The following ASRGL1 variants were observed in gnomAD, a reference collection of about 807,000 sequenced individuals.
The protein encoded by ASRGL1 is asparaginase and isoaspartyl peptidase 1.
In ASRGL1, 16 loss-of-function variants were observed where a neutral mutation model predicts 22.4. That is an observed-to-expected ratio of 0.71 (90% CI 0.48 to 1.08). The LOEUF is 1.08. Ranked by LOEUF, ASRGL1 falls within the 50% of genes least tolerant of loss-of-function variation. The pLI, the probability that ASRGL1 is intolerant of heterozygous loss-of-function variation, is 0.00. For missense variants in ASRGL1, 412 were observed against 410.1 expected (o/e 1.00, Z -0.04); for synonymous variants, 165 against 159.3 (o/e 1.04, Z -0.27).
intron 4 of ASRGL1, among the ~76,000 whole-genome samples, chr11:62,384,876 C>T (rs552721591): frequency 1.2e-3 from 161 of 135,942 alleles, no homozygotes; most frequent in Non-Finnish European, 1.8e-3. Flanking sequence ...CGAGATCACA[C>T]GACTGCACTC....
intron 5 of ASRGL1, chr11:62,389,544 G>A (rs920310386): frequency 8.6e-5 from 37 of 431,638 alleles, no homozygotes; most frequent in South Asian, 4.7e-4. Context: ...CTACCCTGTC[G>A]TGATTCTGTC....
At chr11:62,365,396 A>G (rs1946585918) in intron 4 of ASRGL1, among the ~76,000 whole-genome samples, 1 of 151,560 alleles carries the variant, frequency 6.6e-6, no homozygotes, top group East Asian at 1.9e-4. Flanking sequence ...TCTACTAAAT[A>G]TACAAAAATT....
At chr11:62,361,194 G>A (rs1946423640) in intron 4 of ASRGL1, among the ~76,000 whole-genome samples, 1 of 139,184 alleles carries the variant, frequency 7.2e-6, no homozygotes, top group Non-Finnish European at 1.5e-5. Flanking sequence ...GTGGGGTTTT[G>A]TTTTTTTGTT....
chr11:62,395,834 C>A, downstream of ASRGL1, among the ~76,000 whole-genome samples: 1 of 136,296 alleles, frequency 7.3e-6, no homozygotes, highest in South Asian at 2.4e-4. Flanking sequence ...TGCAGTGGCA[C>A]GATCTCAGCT....
At chr11:62,345,863 ATGC>A (rs1386704839) in intron 2 of ASRGL1, among the ~76,000 whole-genome samples, 1 of 152,228 alleles carries the variant, frequency 6.6e-6, no homozygotes, top group East Asian at 1.9e-4. Flanking sequence ...TGAGAATCTA[ATGC>A]TGCTGCTGAT....
Position 62,362,813 on chromosome 11 carries a change from T to TACACACACACACACACACACAC in ASRGL1, c.491+5679_491+5700dup, listed in dbSNP as rs57501048. Among the ~76,000 whole-genome samples, 159 of 83,850 alleles carry TACACACACACACACACACACAC rather than the reference T, an allele frequency of 1.9e-3. 3 individuals carry two copies. The highest frequency in any genetic ancestry group is 2.9e-3 in the Non-Finnish European group (133 of 45,612). 55.0% of individuals were successfully genotyped at this position (83,850 alleles called of 152,430 possible). A position where few individuals can be genotyped will look rare whatever the true frequency, so the allele number is the denominator to read the frequency against. ...GGAGTATCTACTTGCTTATCTGACA[T>TACACACACACACACACACACAC]ACACACACACACACACACACACACA... On this transcript the variant is annotated intron_variant, in intron 4 of 6. Coordinates refer to ENST00000415229, the MANE Select transcript of ASRGL1 (RefSeq NM_001083926.2).
intron 4 of ASRGL1, among the ~76,000 whole-genome samples, chr11:62,377,227 G>A (rs1419321511): frequency 1.3e-5 from 2 of 152,088 alleles, no homozygotes; most frequent in Non-Finnish European, 2.9e-5. Context: ...TAAAGGCCCT[G>A]GTAAATTAGT....
chr11:62,388,065 G>A (rs546706527), intron 4 of ASRGL1, among the ~76,000 whole-genome samples: 11 of 152,246 alleles, frequency 7.2e-5, no homozygotes, highest in East Asian at 5.8e-4. Context: ...TATGTGGTCC[G>A]GCCTGTTGCT....
In ASRGL1 at chr11:62,389,196, C is replaced by T. The variant is rs1947281909; in HGVS notation, c.555C>T (p.Ser185=). The change falls in exon 5 of 7, where the codon TCC becomes TCT. Residue 185 remains serine (S), a synonymous_variant. Coordinates refer to ENST00000415229, the MANE Select transcript of ASRGL1 (RefSeq NM_001083926.2). ...DCKGNVAYAT[S]TGGIVNKMVG... Reference sequence around the variant, plus strand: ...AAGGGAATGTAGCCTACGCAACCTCCACAGGCGGTATCGTTAATAAAATGG... The same window carrying T: ...AAGGGAATGTAGCCTACGCAACCTCTACAGGCGGTATCGTTAATAAAATGG... The T allele has an allele frequency of 1.2e-6, 2 of 1,614,164 alleles. No homozygotes were observed. The highest frequency in any genetic ancestry group is 4.5e-5 in the East Asian group (2 of 44,884).
At chr11:62,375,447 T>TATATATAA (rs1834344153) in intron 4 of ASRGL1, among the ~76,000 whole-genome samples, 1 of 63,450 alleles carries the variant, frequency 1.6e-5, no homozygotes, top group Non-Finnish European at 2.9e-5. Context: ...TATATATATA[T>TATATATAA]ATATATATAT....
downstream of ASRGL1, among the ~76,000 whole-genome samples, chr11:62,397,872 C>CAATATTG (rs1213089627): frequency 2.0e-5 from 3 of 152,130 alleles, no homozygotes; most frequent in Non-Finnish European, 4.4e-5. Flanking sequence ...AATATTTGGT[C>CAATATTG]AATATTCAAA....
chr11:62,365,547 C>A (rs111601568), intron 4 of ASRGL1, among the ~76,000 whole-genome samples: 1 of 151,870 alleles, frequency 6.6e-6, no homozygotes, highest in South Asian at 2.1e-4. Flanking sequence ...GTGCAAGACT[C>A]CGTCTCAAAA....
intron 4 of ASRGL1, among the ~76,000 whole-genome samples, chr11:62,381,002 C>T (rs1187592124): frequency 6.6e-6 from 1 of 152,178 alleles, no homozygotes; most frequent in African/African-American, 2.4e-5. Context: ...GCTGGAAACA[C>T]TCCTGGCTGT....
At chr11:62,375,243 G>A (rs985001882) in intron 4 of ASRGL1, among the ~76,000 whole-genome samples, 3 of 151,588 alleles carry the variant, frequency 2.0e-5, no homozygotes, top group Admixed American at 6.6e-5. Flanking sequence ...GAAGGGTGCC[G>A]TGCACTCCTA....
chr11:62,342,231 T>C (rs1054468761), intron 2 of ASRGL1, among the ~76,000 whole-genome samples: 4 of 152,224 alleles, frequency 2.6e-5, no homozygotes, highest in African/African-American at 9.7e-5. Context: ...GATGCTGAGA[T>C]AGGTAAAAAC....
chr11:62,361,067 A>C (rs1356062042), intron 4 of ASRGL1, among the ~76,000 whole-genome samples: 16 of 152,190 alleles, frequency 1.1e-4, no homozygotes. Context: ...AAAAATAATG[A>C]AAGTAATGAT....
chr11:62,392,294 A>T lies in ASRGL1; in HGVS notation c.*10A>T, dbSNP rs1394900718. 2 of 1,612,842 alleles carry T rather than the reference A, an allele frequency of 1.2e-6. No homozygotes were observed. Among genetic ancestry groups the T allele is most frequent in the Non-Finnish European group, 1.7e-6 (2 of 1,179,848 alleles). ...CACCGACCTTCCCTAAGCCGCTGGA[A>T]GATTGTATTCCAGATGCTAGCTTAG... On this transcript the variant is annotated 3_prime_UTR_variant, in exon 7 of 7. Coordinates refer to ENST00000415229, the MANE Select transcript of ASRGL1 (RefSeq NM_001083926.2).
At chr11:62,376,418 T>G (rs1174274224) in intron 4 of ASRGL1, among the ~76,000 whole-genome samples, 1 of 152,178 alleles carries the variant, frequency 6.6e-6, no homozygotes, top group Non-Finnish European at 1.5e-5. Flanking sequence ...GAAGCTGATT[T>G]TCTCCTAGTG....
downstream of ASRGL1, among the ~76,000 whole-genome samples, chr11:62,397,384 C>T (rs1157633388): frequency 1.3e-5 from 2 of 151,454 alleles, no homozygotes; most frequent in South Asian, 2.1e-4. Flanking sequence ...AAATGGGGGA[C>T]GCTGGGCATG....
Sources: allele counts gnomAD v4.1 joint callset (sites outside exome capture counted in the v4.1 genomes callset), GRCh38; gene constraint gnomAD v4.1.1; transcripts MANE v1.5; gene names NCBI Gene and HGNC (gene_info 2026-07-23, HGNC 2026-07-21).